IMMP2L: variants seen among roughly 807,000 people sequenced by gnomAD.
The protein encoded by IMMP2L is mitochondrial inner membrane protease subunit 2.
Under a neutral mutation model 19.3 loss-of-function variants are expected in IMMP2L, and 18 were observed. The observed-to-expected ratio is 0.93, with a 90% confidence interval of 0.64 to 1.38. IMMP2L has a LOEUF of 1.38. IMMP2L is among the 40% of genes most tolerant of loss of function. The pLI is 0.00. For missense variants in IMMP2L, 233 were observed against 218.2 expected, an observed-to-expected ratio of 1.07 and a Z score of -0.43; for synonymous variants, 76 against 73.0, an observed-to-expected ratio of 1.04 and a Z score of -0.21.
chr7:111,257,657 C>T (rs556771087), intron 3 of IMMP2L, among the ~76,000 whole-genome samples: 5 of 152,210 alleles, frequency 3.3e-5, no homozygotes, highest in Non-Finnish European at 5.9e-5. Context: ...CCTACTGATT[C>T]GTTTCTCTAT....
At chr7:111,453,420 C>G (rs187105779) in intron 3 of IMMP2L, among the ~76,000 whole-genome samples, 37 of 152,270 alleles carry the variant, frequency 2.4e-4, no homozygotes, top group African/African-American at 8.9e-4. Flanking sequence ...AAAACCTTCA[C>G]AAAAGCCCGT....
intron 1 of IMMP2L, among the ~76,000 whole-genome samples, chr7:111,539,184 G>A (rs1848210829): frequency 1.4e-5 from 1 of 70,502 alleles, no homozygotes; most frequent in African/African-American, 7.0e-5. Flanking sequence ...AGGAAGGAAG[G>A]AAGGAAGGAG....
chr7:111,071,430 T>G (rs1245457623), intron 3 of IMMP2L, among the ~76,000 whole-genome samples: 1 of 152,026 alleles, frequency 6.6e-6, no homozygotes. Flanking sequence ...AGCAAATACA[T>G]GCACATGAAT....
At chr7:111,503,277 C>A (rs368825260) in intron 2 of IMMP2L, among the ~76,000 whole-genome samples, 1 of 152,034 alleles carries the variant, frequency 6.6e-6, no homozygotes, top group African/African-American at 2.4e-5. Flanking sequence ...CAGGAAGAAG[C>A]TGAATCTCTG....
At chr7:111,521,279 T>C in intron 2 of IMMP2L, 34 bp downstream of exon 2, 2 of 1,593,964 alleles carry the variant, frequency 1.3e-6, no homozygotes, top group Middle Eastern at 1.7e-4. Context: ...CAATGAAGTA[T>C]GTGCTTTAAA....
At chr7:111,497,859 T>C (rs892586930) in intron 2 of IMMP2L, among the ~76,000 whole-genome samples, 3 of 151,810 alleles carry the variant, frequency 2.0e-5, no homozygotes, top group Admixed American at 2.0e-4. Context: ...TGTAATGACT[T>C]GAACATAGTG....
intron 5 of IMMP2L, among the ~76,000 whole-genome samples, chr7:110,826,687 T>C (rs868731397): frequency 2.0e-5 from 3 of 151,290 alleles, no homozygotes; most frequent in Non-Finnish European, 4.4e-5. Flanking sequence ...GGGCCTGTCA[T>C]GGGGTTGGGG....
intron 3 of IMMP2L, among the ~76,000 whole-genome samples, chr7:111,313,389 CAGATATAT>C (rs1397129561): frequency 6.6e-6 from 1 of 152,124 alleles, no homozygotes; most frequent in Non-Finnish European, 1.5e-5. Flanking sequence ...TGTGGAAGGG[CAGATATAT>C]AGATAAGAGA....
rs138961353 is a variant in IMMP2L at position 110,958,428 on chromosome 7, T to C, written c.305+5072A>G. ...GTTTTACAAGCTTGTGTTATTTCCATAATTTCAAACAAATCTTTAAAAGAA... is the reference window on the plus strand; with the variant it reads ...GTTTTACAAGCTTGTGTTATTTCCACAATTTCAAACAAATCTTTAAAAGAA... On this transcript the variant is annotated intron_variant, in intron 4 of 5. Coordinates refer to ENST00000405709, the MANE Select transcript of IMMP2L (RefSeq NM_032549.4). Among the ~76,000 whole-genome samples, 470 of 152,198 alleles carry C rather than the reference T, an allele frequency of 3.1e-3. 1 individual carries two copies. Among genetic ancestry groups the C allele is most frequent in the Non-Finnish European group, 4.5e-3 (307 of 67,964 alleles).
chr7:110,899,811 G>A (rs1563065603), intron 4 of IMMP2L, among the ~76,000 whole-genome samples: 2 of 152,158 alleles, frequency 1.3e-5, no homozygotes, highest in Non-Finnish European at 2.9e-5. Flanking sequence ...TAAACATAAA[G>A]CTCACATAAA....
intron 1 of IMMP2L, among the ~76,000 whole-genome samples, chr7:111,550,939 C>T (rs914027320): frequency 1.3e-5 from 2 of 152,252 alleles, no homozygotes; most frequent in East Asian, 1.9e-4. Flanking sequence ...GCAGATAAAT[C>T]TGCAGGAGAA....
chr7:111,165,800 C>A (rs1220775554), intron 3 of IMMP2L, among the ~76,000 whole-genome samples: 1 of 152,002 alleles, frequency 6.6e-6, no homozygotes, highest in African/African-American at 2.4e-5. Flanking sequence ...CTGACAGCAT[C>A]TTGAGATCAA....
intron 5 of IMMP2L, among the ~76,000 whole-genome samples, chr7:110,882,689 C>T (rs919361201): frequency 1.3e-5 from 2 of 151,970 alleles, no homozygotes; most frequent in African/African-American, 4.8e-5. Context: ...CTGTCAAGTG[C>T]TCTTAATATA....
At chr7:110,749,742 G>C (rs1460901715) in intron 5 of IMMP2L, among the ~76,000 whole-genome samples, 1 of 152,104 alleles carries the variant, frequency 6.6e-6, no homozygotes, top group Non-Finnish European at 1.5e-5. Flanking sequence ...ACTAGGGCCT[G>C]TCAGGGGTTG....
At chr7:110,716,354 T>C (rs879515427) in intron 5 of IMMP2L, among the ~76,000 whole-genome samples, 9 of 152,134 alleles carry the variant, frequency 5.9e-5, no homozygotes, top group African/African-American at 2.2e-4. Context: ...TGTTGGTTGG[T>C]TGCTTTGTAG....
At chr7:111,000,069 G>GTTGTTGTGGTTGTTGCTGT (rs1664581147) in intron 3 of IMMP2L, among the ~76,000 whole-genome samples, 1 of 152,104 alleles carries the variant, frequency 6.6e-6, no homozygotes, top group Non-Finnish European at 1.5e-5. Context: ...GAGCCATTTT[G>GTTGTTGTGGTTGTTGCTGT]TTGTTGTGGT....
chr7:110,691,020 C>T (rs2130541561), intron 5 of IMMP2L, among the ~76,000 whole-genome samples: 1 of 152,056 alleles, frequency 6.6e-6, no homozygotes, highest in East Asian at 1.9e-4. Context: ...CATAACAATC[C>T]TAAACAAAAA....
At chr7:111,078,617 G>T (rs562679975) in intron 3 of IMMP2L, among the ~76,000 whole-genome samples, 2 of 151,862 alleles carry the variant, frequency 1.3e-5, no homozygotes, top group East Asian at 3.9e-4. Context: ...ATACCAAAGT[G>T]GTATATACAA....
chr7:111,410,786 A>G (rs1261100519), intron 3 of IMMP2L, among the ~76,000 whole-genome samples: 1 of 151,832 alleles, frequency 6.6e-6, no homozygotes, highest in Non-Finnish European at 1.5e-5. Flanking sequence ...AATGTTGCAG[A>G]TAAGACACTA....
Sources: gnomAD v4.1 joint callset for allele counts (sites outside exome capture counted in the v4.1 genomes callset) on GRCh38, gnomAD v4.1.1 for gene constraint, MANE v1.5 for transcripts, NCBI Gene and HGNC (gene_info 2026-07-23, HGNC 2026-07-21) for gene names.